NRG1: variants seen among roughly 807,000 people sequenced by gnomAD.
NRG1 encodes pro-neuregulin-1, membrane-bound isoform.
A neutral mutation model predicts 63.8 loss-of-function variants in NRG1; 18 were observed. The observed-to-expected ratio is 0.28, with a 90% CI of 0.19 to 0.42. NRG1 has a LOEUF of 0.42. Among genes scored for constraint, NRG1 ranks in the 10% least tolerant of loss-of-function variants. The probability of loss-of-function intolerance (pLI) is 1.00; values close to 1 mark genes in which losing one functional copy is unlikely to be tolerated. For missense variants in NRG1, 762 were observed against 814.7 expected (o/e 0.94, Z 0.79); for synonymous variants, 302 against 301.3 (o/e 1.00, Z -0.02).
chr8:31,856,833 A>G (rs185041074), intron 1 of NRG1, among the ~76,000 whole-genome samples: 2 of 152,296 alleles, frequency 1.3e-5, no homozygotes, highest in South Asian at 4.1e-4. Context: ...CTTCTAACAG[A>G]CAGGACCCTC....
intron 1 of NRG1, among the ~76,000 whole-genome samples, chr8:32,374,882 C>T (rs1809416813): frequency 6.6e-6 from 1 of 152,140 alleles, no homozygotes; most frequent in Non-Finnish European, 1.5e-5. Context: ...GTTGTAACCA[C>T]CCCAAGTCCT....
intron 1 of NRG1, among the ~76,000 whole-genome samples, chr8:32,235,440 A>C (rs1406610521): frequency 6.6e-6 from 1 of 152,062 alleles, no homozygotes; most frequent in East Asian, 1.9e-4. Flanking sequence ...GTGGCTGACA[A>C]ACTGAAGGTC....
At chr8:31,714,390 A>G (rs187456464) in intron 1 of NRG1, among the ~76,000 whole-genome samples, 17 of 152,268 alleles carry the variant, frequency 1.1e-4, no homozygotes, top group African/African-American at 3.8e-4. Flanking sequence ...TTTTTAGGCT[A>G]TAAAATTAGC....
intron 1 of NRG1, among the ~76,000 whole-genome samples, chr8:31,828,154 G>T (rs1341075256): frequency 2.0e-5 from 3 of 152,174 alleles, no homozygotes; most frequent in Non-Finnish European, 4.4e-5. Context: ...AGGTATTTTT[G>T]ATATGATTCC....
chr8:32,358,516 G>A (rs1806779620), intron 1 of NRG1, among the ~76,000 whole-genome samples: 2 of 152,036 alleles, frequency 1.3e-5, no homozygotes, highest in Non-Finnish European at 1.5e-5. Context: ...AAGTATTTAA[G>A]GAATATCATC....
At position 31,989,865 on chromosome 8, in the gene NRG1, G is replaced by A. The variant is rs182556264; in HGVS notation, c.37+350434G>A. On this transcript the variant is annotated intron_variant, in intron 1 of 10. Transcript: ENST00000519301. The stretch of plus-strand genomic sequence containing the variant: ...GAATTTCTCTTGCTTGTTGATATAT[G>A]TACTTTCCATGTTGGACTTTGTGCT... 6.6e-5 allele frequency among the ~76,000 whole-genome samples: 10 copies of A among 152,184 alleles called. No homozygotes were observed. The East Asian group carries it at 1.9e-3, about 30-fold the overall frequency.
chr8:32,364,416 C>A (rs1486453503), intron 1 of NRG1, among the ~76,000 whole-genome samples: 1 of 151,968 alleles, frequency 6.6e-6, no homozygotes, highest in Non-Finnish European at 1.5e-5. Flanking sequence ...ACTAAGACAC[C>A]AAATTCATAC....
chr8:32,767,527 A>G (rs1261895485), exon 12 of NRG1: 2 of 152,180 alleles, frequency 1.3e-5, no homozygotes, highest in African/African-American at 2.4e-5. Context: ...TACATATTGT[A>G]TATTACTTGG....
intron 1 of NRG1, among the ~76,000 whole-genome samples, chr8:32,533,883 G>T (rs1240607936): frequency 6.6e-6 from 1 of 152,026 alleles, no homozygotes; most frequent in African/African-American, 2.4e-5. Context: ...ATTCAGACAG[G>T]ATCTTTATTT....
intron 1 of NRG1, among the ~76,000 whole-genome samples, chr8:32,297,759 G>T (rs117392834): frequency 6.6e-6 from 1 of 152,190 alleles, no homozygotes; most frequent in African/African-American, 2.4e-5. Context: ...ATGGGTAGTG[G>T]AAGAGAGCAT....
intron 1 of NRG1, among the ~76,000 whole-genome samples, chr8:32,567,344 G>T (rs1837637538): frequency 6.6e-6 from 1 of 152,188 alleles, no homozygotes; most frequent in Admixed American, 6.5e-5. Context: ...ATTTGACAAG[G>T]TGTAAATCTC....
chr8:32,726,167 C>A (rs567508371), intron 5 of NRG1, among the ~76,000 whole-genome samples: 2 of 152,172 alleles, frequency 1.3e-5, no homozygotes, highest in African/African-American at 4.8e-5. Context: ...CATGCACATC[C>A]TTAGGAATAA....
chr8:32,054,028 A>G (rs116382751), intron 1 of NRG1, among the ~76,000 whole-genome samples: 2,595 of 152,310 alleles, frequency 0.017, 73 homozygotes, highest in African/African-American at 0.059. Flanking sequence ...ATATAATGTA[A>G]TGGCCTAAAT....
chr8:31,756,734 T>TA (rs1817002474), intron 1 of NRG1, among the ~76,000 whole-genome samples: 1 of 152,100 alleles, frequency 6.6e-6, no homozygotes, highest in Admixed American at 6.6e-5. Context: ...CTTCAAAGAG[T>TA]AAAAAACATG....
intron 1 of NRG1, among the ~76,000 whole-genome samples, chr8:31,764,044 T>A (rs1362689920): frequency 6.7e-6 from 1 of 149,818 alleles, no homozygotes; most frequent in African/African-American, 2.5e-5. Context: ...GAATTCTGAG[T>A]GTACACAGAA....
intron 1 of NRG1, among the ~76,000 whole-genome samples, chr8:32,302,686 A>G (rs1855714054): frequency 6.7e-6 from 1 of 148,352 alleles, no homozygotes; most frequent in South Asian, 2.1e-4. Context: ...AACCTGTGGC[A>G]TGCAGAGAGT....
chr8:32,647,939 G>A lies in NRG1; in HGVS notation c.502+31054G>A, dbSNP rs368432363. 1.7e-5 allele frequency: 28 copies of A among 1,614,046 alleles called. No homozygotes were observed. In the Admixed American group the frequency reaches 1.8e-4, roughly 11 times the overall value. On this transcript the variant is annotated intron_variant, in intron 5 of 11. Coordinates refer to ENST00000356819, the Ensembl canonical transcript of NRG1. ...GCCTGAGAGGTTGCCTCAACTCAGA[G>A]AAAATCTGCATTGTCCCCATCCTGG...
intron 1 of NRG1, among the ~76,000 whole-genome samples, chr8:32,511,915 G>C (rs2129501307): frequency 6.6e-6 from 1 of 152,284 alleles, no homozygotes; most frequent in East Asian, 1.9e-4. Flanking sequence ...AATGAAATGG[G>C]CAGAGCCAGG....
chr8:31,639,849 C>A lies in NRG1; in HGVS notation c.37+418C>A, dbSNP rs565220990. 115 of 1,139,780 alleles carry A rather than the reference C, an allele frequency of 1.0e-4. 1 individual carries two copies. The African/African-American group carries it at 1.8e-3, about 18-fold the overall frequency. 70.6% of individuals were successfully genotyped at this position (1,139,780 alleles called of 1,614,324 possible). On this transcript the variant is annotated intron_variant, in intron 1 of 10. Transcript: ENST00000519301. ...AACAACTCTCCTACCCCTGCACCCCCAATAAATAAATAAAAGGAGGAGGGC... is the reference window on the plus strand; with the variant it reads ...AACAACTCTCCTACCCCTGCACCCCAAATAAATAAATAAAAGGAGGAGGGC...
Sources: gnomAD v4.1 joint callset for allele counts (sites outside exome capture counted in the v4.1 genomes callset) on GRCh38, gnomAD v4.1.1 for gene constraint, MANE v1.5 for transcripts, NCBI Gene and HGNC (gene_info 2026-07-23, HGNC 2026-07-21) for gene names.